EIF3F: variants seen among roughly 807,000 people sequenced by gnomAD.
EIF3F encodes eukaryotic translation initiation factor 3 subunit F.
In EIF3F, 8 loss-of-function variants were observed where a neutral mutation model predicts 36.0. The ratio of observed to expected loss-of-function variants is 0.22; its 90% CI spans 0.13 to 0.40. EIF3F has a LOEUF of 0.40. Ranked by LOEUF, EIF3F falls within the 10% of genes least tolerant of loss-of-function variation. The pLI is 1.00. For synonymous variants in EIF3F, 184 were observed against 188.5 expected (o/e 0.98, Z 0.19); for missense variants, 430 against 467.6 (o/e 0.92, Z 0.74).
rs370850293 is a variant in EIF3F, at chr11:7,992,144, A to G, written c.496A>G (p.Asn166Asp). 6.2e-7 allele frequency: 1 copy of G among 1,613,040 alleles called. No homozygotes were observed. Among genetic ancestry groups the G allele is most frequent in the Non-Finnish European group, 8.5e-7 (1 of 1,179,990 alleles). The change falls in exon 3 of 8, where the codon AAT (asparagine) becomes GAT (aspartate). Residue 166 changes from asparagine (N) to aspartate (D), a missense_variant. Coordinates refer to ENST00000651655, the MANE Select transcript of EIF3F (RefSeq NM_003754.3). Reference protein sequence around the residue: ...MYELHKKVSPNELILGWYATG... With the variant: ...MYELHKKVSPDELILGWYATG... Reference sequence around the variant, plus strand: ...TGAACTGCATAAAAAAGTTTCTCCAAATGAGCTCATCCTGGGCTGGTAAGT... The same window carrying G: ...TGAACTGCATAAAAAAGTTTCTCCAGATGAGCTCATCCTGGGCTGGTAAGT...
rs76217975 is a variant in EIF3F at position 7,997,655 on chromosome 11, T to C, written c.*1633T>C. The C allele has an allele frequency of 5.8e-4, 88 of 152,280 alleles. No individual in the cohort carries two copies. Among genetic ancestry groups the C allele is most frequent in the African/African-American group, 2.1e-3 (87 of 41,550 alleles). The allele number at this position is 152,280 out of a possible 1,614,324, so 9.4% of individuals were successfully genotyped here. A position where few individuals can be genotyped will look rare whatever the true frequency, so the allele number is the denominator to read the frequency against. On this transcript the variant is annotated 3_prime_UTR_variant, in exon 8 of 8. Coordinates refer to ENST00000651655, the MANE Select transcript of EIF3F (RefSeq NM_003754.3). ...GTTGTCCTGCAGCTGTGAGTAACAA[T>C]ATAGGTGAATGTTAATAATAATGTT...
rs118037141 is a variant in EIF3F at position 7,999,436 on chromosome 11, C to T, written c.*3414C>T. 72 of 152,130 alleles carry T rather than the reference C, an allele frequency of 4.7e-4. No individual in the cohort carries two copies. In the East Asian group the frequency reaches 0.013, roughly 28 times the overall value. 9.4% of individuals were successfully genotyped at this position (152,130 alleles called of 1,614,324 possible). ...ATTATTTTAACAGGTGTTAATTTTC[C>T]CTGTTAAACTACATATTTGTCATAA... On this transcript the variant is annotated 3_prime_UTR_variant, in exon 8 of 8. Coordinates refer to ENST00000651655, the MANE Select transcript of EIF3F (RefSeq NM_003754.3).
At chr11:7,990,338 T>G (rs953824008) in intron 1 of EIF3F, among the ~76,000 whole-genome samples, 1 of 152,328 alleles carries the variant, frequency 6.6e-6, no homozygotes, top group African/African-American at 2.4e-5. Flanking sequence ...GTCCAGACGG[T>G]AAATATTTTA....
intron 3 of EIF3F, 127 bp downstream of exon 3, chr11:7,992,290 C>T: frequency 2.4e-6 from 2 of 837,280 alleles, no homozygotes; most frequent in South Asian, 3.5e-5. Context: ...GTATTACTGA[C>T]TGTGAGCAGT....
rs1297404683 is a variant in EIF3F, at chr11:7,998,077, GGTGACT to G, written c.*2059_*2064del. ...AACCAATCCTCCACGGATACTAAAC[GGTGACT>G]GTGTGTGTATATATATATGTATAGT... On this transcript the variant is annotated 3_prime_UTR_variant, in exon 8 of 8. Coordinates refer to ENST00000651655, the MANE Select transcript of EIF3F (RefSeq NM_003754.3). 1.3e-5 allele frequency: 2 copies of G among 148,786 alleles called. No individual in the cohort carries two copies. Among genetic ancestry groups the G allele is most frequent in the African/African-American group, 5.0e-5 (2 of 40,068 alleles). The allele number at this position is 148,786 out of a possible 1,614,324, so 9.2% of individuals were successfully genotyped here.
Position 7,999,833 on chromosome 11 carries a change from ATGTTGAAGAGATACTT to A in EIF3F, c.*3812_*3827del, listed in dbSNP as rs1942200184. On this transcript the variant is annotated 3_prime_UTR_variant, in exon 8 of 8. Coordinates refer to ENST00000651655, the MANE Select transcript of EIF3F (RefSeq NM_003754.3). ...TATATCCAAAGGAAATGAAATCAGT[ATGTTGAAGAGATACTT>A]CCACGTTCACTGAAGCATTGTTCAC... 6.6e-6 allele frequency: 1 copy of A among 152,268 alleles called. No homozygotes were observed. Among genetic ancestry groups the A allele is most frequent in the Admixed American group, 6.5e-5 (1 of 15,284 alleles). 9.4% of individuals were successfully genotyped at this position (152,268 alleles called of 1,614,324 possible).
intron 1 of EIF3F, among the ~76,000 whole-genome samples, chr11:7,989,686 G>T (rs1205689859): frequency 1.3e-5 from 2 of 152,152 alleles, no homozygotes; most frequent in African/African-American, 4.8e-5. Context: ...CCAATAGAAG[G>T]GTGTCATGGT....
Position 7,992,108 on chromosome 11 carries a change from A to G in EIF3F, c.460A>G (p.Lys154Glu). ...GGTGGCTGTTGACATGGAATTTGCT[A>G]AGAATATGTATGAACTGCATAAAAA... The part of the protein sequence containing the change: ...DEVAVDMEFA[K>E]NMYELHKKVS... The change falls in exon 3 of 8, where the codon AAG becomes GAG. Residue 154 changes from lysine to glutamate, a missense_variant. Transcript: ENST00000651655. The G allele has an allele frequency of 1.2e-6, 2 of 1,613,818 alleles. No individual in the cohort carries two copies. Among genetic ancestry groups the G allele is most frequent in the East Asian group, 2.2e-5 (1 of 44,884 alleles).
At position 7,998,082 on chromosome 11, in the gene EIF3F, C is replaced by CTG. The variant is rs912223612; in HGVS notation, c.*2068_*2069dup. 6.8e-5 allele frequency: 10 copies of CTG among 147,216 alleles called. No homozygotes were observed. Among genetic ancestry groups the CTG allele is most frequent in the African/African-American group, 1.5e-4 (6 of 39,472 alleles). The allele number at this position is 147,216 out of a possible 1,614,324, so 9.1% of individuals were successfully genotyped here. On this transcript the variant is annotated 3_prime_UTR_variant, in exon 8 of 8. Transcript: ENST00000651655. ...ATCCTCCACGGATACTAAACGGTGA[C>CTG]TGTGTGTGTATATATATATGTATAG...
chr11:7,987,363 C>T lies in EIF3F; in HGVS notation c.11C>T (p.Pro4Leu), dbSNP rs767716913. The stretch of plus-strand genomic sequence containing the variant: ...TTCTTTCTCGACAAGATGGCCACAC[C>T]GGCGGTACCAGTAAGTGCTCCTCCG... MAT[P>L]AVPVSAPPAT... is the part of the protein sequence containing the mutation. Residue 4 changes from proline to leucine, a missense_variant, in exon 1 of 8, where the codon CCG becomes CTG. Physicochemically the swap from Pro to Leu is moderately conservative, Grantham distance 98. Coordinates refer to ENST00000651655, the MANE Select transcript of EIF3F (RefSeq NM_003754.3). 13 of 1,593,472 alleles carry T rather than the reference C, an allele frequency of 8.2e-6. No individual in the cohort carries two copies. Among genetic ancestry groups the T allele is most frequent in the South Asian group, 3.3e-5 (3 of 90,576 alleles).
Position 8,000,762 on chromosome 11 carries a change from A to G in EIF3F, c.*4740A>G, listed in dbSNP as rs534688784. Reference sequence around the variant, plus strand: ...AATTTGGAAACAATGTTGGATTCCTACTTCGTTACCTGCACCAAAATAAGT... The same window carrying G: ...AATTTGGAAACAATGTTGGATTCCTGCTTCGTTACCTGCACCAAAATAAGT... On this transcript the variant is annotated 3_prime_UTR_variant, in exon 8 of 8. Coordinates refer to ENST00000651655, the MANE Select transcript of EIF3F (RefSeq NM_003754.3). The G allele has an allele frequency of 1.6e-3, 237 of 152,290 alleles. 1 individual carries two copies. The highest frequency in any genetic ancestry group is 5.6e-3 in the African/African-American group (233 of 41,562). The allele number at this position is 152,290 out of a possible 1,614,324, so 9.4% of individuals were successfully genotyped here. A position where few individuals can be genotyped will look rare whatever the true frequency, so the allele number is the denominator to read the frequency against.
At position 7,996,162 on chromosome 11, in the gene EIF3F, TG is replaced by T. The variant is rs1291595623; in HGVS notation, c.*141del. Reference sequence around the variant, plus strand: ...ACTCTAATAAACGGAGCCTACCTTTTGTAAATTAATTTCATCTTATGTGAGT... The same window carrying T: ...ACTCTAATAAACGGAGCCTACCTTTTTAAATTAATTTCATCTTATGTGAGT... On this transcript the variant is annotated 3_prime_UTR_variant, in exon 8 of 8. Coordinates refer to ENST00000651655, the MANE Select transcript of EIF3F (RefSeq NM_003754.3). 2.8e-6 allele frequency: 2 copies of T among 703,082 alleles called. No homozygotes were observed. Among genetic ancestry groups the T allele is most frequent in the African/African-American group, 3.6e-5 (2 of 56,108 alleles). The allele number at this position is 703,082 out of a possible 1,614,324, so 43.6% of individuals were successfully genotyped here.
At position 7,995,643 on chromosome 11, in the gene EIF3F, C is replaced by T. The variant is rs529218671; in HGVS notation, c.996+276C>T. 4.1e-4 allele frequency: 236 copies of T among 581,032 alleles called. 4 individuals carry two copies. In the South Asian group the frequency reaches 4.7e-3, roughly 12 times the overall value. The allele number at this position is 581,032 out of a possible 1,614,324, so 36.0% of individuals were successfully genotyped here. A position where few individuals can be genotyped will look rare whatever the true frequency, so the allele number is the denominator to read the frequency against. On this transcript the variant is annotated intron_variant, in intron 7 of 7. Coordinates refer to ENST00000651655, the MANE Select transcript of EIF3F (RefSeq NM_003754.3). Reference sequence around the variant, plus strand: ...CGTGATGGAAAGAAACACTAAAATTCAGAGGTTAATGAAAATGCAATTACT... The same window carrying T: ...CGTGATGGAAAGAAACACTAAAATTTAGAGGTTAATGAAAATGCAATTACT...
intron 4 of EIF3F, among the ~76,000 whole-genome samples, 184 bp downstream of exon 4, chr11:7,993,208 C>T (rs572773925): frequency 8.5e-5 from 13 of 152,282 alleles, no homozygotes; most frequent in African/African-American, 2.6e-4. Flanking sequence ...TAATTTCTAC[C>T]GCTGATCCTA....
At chr11:7,992,262 GGCAAGAGTATT>G in intron 3 of EIF3F, 99 bp downstream of exon 3, 1 of 1,069,820 alleles carries the variant, frequency 9.3e-7, no homozygotes, top group Non-Finnish European at 1.4e-6. Flanking sequence ...TCCTTTTGGA[GGCAAGAGTATT>G]GCAAGTGTAT....
Position 7,994,463 on chromosome 11 carries a change from A to G in EIF3F, c.691A>G (p.Met231Val). The G allele has an allele frequency of 6.2e-7, 1 of 1,614,072 alleles. No individual in the cohort carries two copies. The highest frequency in any genetic ancestry group is 1.1e-5 in the South Asian group (1 of 91,042). Reference sequence around the variant, plus strand: ...AGTCCCTGGGAGGACCATGGGAGTGATGTTCACGCCTCTGACAGTGAAATA... The same window carrying G: ...AGTCCCTGGGAGGACCATGGGAGTGGTGTTCACGCCTCTGACAGTGAAATA... ...MGVPGRTMGV[M>V]FTPLTVKYAY... The change falls in exon 5 of 8, where the codon ATG (methionine) becomes GTG (valine). Residue 231 changes from methionine (M) to valine (V), a missense_variant. Physicochemically the swap from Met to Val is conservative, Grantham distance 21. Coordinates refer to ENST00000651655, the MANE Select transcript of EIF3F (RefSeq NM_003754.3).
In EIF3F at chr11:8,001,530, A is replaced by T. The variant is rs1249100919; in HGVS notation, c.*5508A>T. 3 of 152,242 alleles carry T rather than the reference A, an allele frequency of 2.0e-5. No individual in the cohort carries two copies. The highest frequency in any genetic ancestry group is 7.2e-5 in the African/African-American group (3 of 41,456). The allele number at this position is 152,242 out of a possible 1,614,324, so 9.4% of individuals were successfully genotyped here. ...AAACAAAGTATGATATATCCATAAA[A>T]CACAATACTATGCAGCTGTTAAGCA... On this transcript the variant is annotated 3_prime_UTR_variant, in exon 8 of 8. Coordinates refer to ENST00000651655, the MANE Select transcript of EIF3F (RefSeq NM_003754.3).
Position 7,992,186 on chromosome 11 carries a change from G to A in EIF3F, c.515+23G>A, listed in dbSNP as rs76503657. 6,590 of 1,592,106 alleles carry A rather than the reference G, an allele frequency of 4.1e-3. 227 individuals carry two copies. The African/African-American group carries it at 0.077, about 18-fold the overall frequency. On this transcript the variant is annotated intron_variant, in intron 3 of 7. Coordinates refer to ENST00000651655, the MANE Select transcript of EIF3F (RefSeq NM_003754.3). ...CTGGTAAGTTGGGGAGGTGGGGGCT[G>A]GGGTTAATGGAAGGTCTCTTCGTGA...
In EIF3F at chr11:7,998,251, C is replaced by T. The variant is rs1942184196; in HGVS notation, c.*2229C>T. On this transcript the variant is annotated 3_prime_UTR_variant, in exon 8 of 8. Transcript: ENST00000651655. Reference sequence around the variant, plus strand: ...GCACAGTTTCATCAACCCATCAGTACATAAACTTGTTACATGTGTTTCTGT... The same window carrying T: ...GCACAGTTTCATCAACCCATCAGTATATAAACTTGTTACATGTGTTTCTGT... 6.6e-6 allele frequency: 1 copy of T among 152,176 alleles called. No homozygotes were observed. 9.4% of individuals were successfully genotyped at this position (152,176 alleles called of 1,614,324 possible). A position where few individuals can be genotyped will look rare whatever the true frequency, so the allele number is the denominator to read the frequency against.
Sources: allele counts gnomAD v4.1 joint callset (sites outside exome capture counted in the v4.1 genomes callset), GRCh38; gene constraint gnomAD v4.1.1; transcripts MANE v1.5; gene names NCBI Gene and HGNC (gene_info 2026-07-23, HGNC 2026-07-21).